Variants in CHD4 observed in about 807,000 individuals in gnomAD.
CHD4 encodes the protein chromodomain helicase DNA binding protein 4.
A neutral mutation model predicts 235.5 loss-of-function variants in CHD4; 35 were observed. That is an observed-to-expected ratio of 0.15 (90% CI 0.11 to 0.20). CHD4 has a LOEUF of 0.20. Among genes scored for constraint, CHD4 ranks in the 10% least tolerant of loss-of-function variants. The pLI, the probability that CHD4 is intolerant of heterozygous loss-of-function variation, is 1.00. For synonymous variants in CHD4, 900 were observed against 850.2 expected (o/e 1.06, Z -1.02); for missense variants, 1,329 against 2,432.3 (o/e 0.55, Z 9.54).
At chr12:6,576,913 T>C (rs777406763) in intron 37 of CHD4, among the ~76,000 whole-genome samples, 5 of 151,812 alleles carry the variant, frequency 3.3e-5, no homozygotes, top group Admixed American at 1.3e-4. Context: ...TCCCCGATTA[T>C]ACTCAGCGTA....
chr12:6,599,716 T>C, intron 10 of CHD4, 57 bp downstream of exon 10: 4 of 1,608,646 alleles, frequency 2.5e-6, no homozygotes, highest in Non-Finnish European at 3.4e-6. Context: ...CACAATAGCC[T>C]ACATAGAAAA....
At chr12:6,571,236 G>T in intron 38 of CHD4, 1 of 592,488 alleles carries the variant, frequency 1.7e-6, no homozygotes, top group South Asian at 2.2e-5. Context: ...GCTTTTTAAA[G>T]TCACCTAAAC....
chr12:6,603,457 G>A (rs1442608265), intron 2 of CHD4, among the ~76,000 whole-genome samples: 3 of 151,812 alleles, frequency 2.0e-5, no homozygotes, highest in Non-Finnish European at 4.4e-5. Context: ...CCACTGAGGA[G>A]AGGGAAAATG....
At chr12:6,581,955 A>G in intron 30 of CHD4, 141 bp from the exon 31 acceptor site, 2 of 1,165,110 alleles carry the variant, frequency 1.7e-6, no homozygotes, top group South Asian at 3.6e-5. Context: ...GGTGCCCGCC[A>G]CCACGTGCAG....
rs539390140 is a variant in CHD4 at position 6,595,550 on chromosome 12, G to T, written c.2025-120C>A. 36 of 748,528 alleles carry T rather than the reference G, an allele frequency of 4.8e-5. No individual in the cohort carries two copies. In the African/African-American group the frequency reaches 6.2e-4, roughly 13 times the overall value. 46.4% of individuals were successfully genotyped at this position (748,528 alleles called of 1,614,324 possible). ...ATTTTGGGAGGCCAGCACTTTGGGA[G>T]GCTGAGACGGGCGGATCACCTGAGG... On this transcript the variant is annotated intron_variant, in intron 13 of 39. Coordinates refer to ENST00000544040, the MANE Select transcript of CHD4 (RefSeq NM_001273.5).
chr12:6,606,457 CG>C lies in CHD4; in HGVS notation c.-78-7del. On this transcript the variant is annotated splice_polypyrimidine_tract_variant and splice_region_variant and intron_variant, in intron 1 of 39. Coordinates refer to ENST00000544040, the MANE Select transcript of CHD4 (RefSeq NM_001273.5). The stretch of plus-strand genomic sequence containing the variant: ...CTCTACACTGGCCCGAGTCACTGTG[CG>C]GGGGAGGGGGGAGAAACACAGAACA... 1.4e-6 allele frequency: 1 copy of C among 724,256 alleles called. No individual in the cohort carries two copies. Among genetic ancestry groups the C allele is most frequent in the Non-Finnish European group, 2.3e-6 (1 of 442,020 alleles). 44.9% of individuals were successfully genotyped at this position (724,256 alleles called of 1,614,324 possible). A position where few individuals can be genotyped will look rare whatever the true frequency, so the allele number is the denominator to read the frequency against.
intron 12 of CHD4, 142 bp downstream of exon 12, chr12:6,597,751 TG>T: frequency 1.4e-6 from 1 of 723,836 alleles, no homozygotes; most frequent in African/African-American, 1.7e-5. Flanking sequence ...GGGCACAGAG[TG>T]AGACTCTGTC....
At position 6,602,484 on chromosome 12, in the gene CHD4, G is replaced by C; in HGVS notation, c.114C>G (p.Asp38Glu). The C allele has an allele frequency of 6.2e-7, 1 of 1,612,166 alleles. No homozygotes were observed. Among genetic ancestry groups the C allele is most frequent in the Non-Finnish European group, 8.5e-7 (1 of 1,179,602 alleles). ...CTGTTTCTGACAAATCCTCTTCTGG[G>C]TCCTCTTCATTTTCTACATATATTT... ...LPPPHPENEEDPEEDLSETET... is the reference protein window; with the variant it reads ...LPPPHPENEEEPEEDLSETET... Residue 38 changes from aspartate to glutamate, a missense_variant, in exon 3 of 40, where the codon GAC (aspartate) becomes GAG (glutamate). Transcript: ENST00000544040.
intron 38 of CHD4, among the ~76,000 whole-genome samples, chr12:6,572,565 T>C (rs1049118482): frequency 7.2e-5 from 11 of 152,000 alleles, no homozygotes; most frequent in African/African-American, 2.7e-4. Context: ...AGCCCATCTC[T>C]TTTTTTTCTG....
intron 29 of CHD4, 144 bp from the exon 30 acceptor site, chr12:6,582,425 T>G: frequency 7.6e-7 from 1 of 1,315,400 alleles, no homozygotes; most frequent in Non-Finnish European, 1.0e-6. Context: ...AAGGCTGATC[T>G]CTAGACCCCA....
At chr12:6,573,802 T>C (rs1948020526) in intron 37 of CHD4, among the ~76,000 whole-genome samples, 1 of 152,102 alleles carries the variant, frequency 6.6e-6, no homozygotes, top group African/African-American at 2.4e-5. Flanking sequence ...GGCGGGCAGA[T>C]TACTTGAGGT....
At position 6,587,567 on chromosome 12, in the gene CHD4, A is replaced by T. The variant is rs1948321817; in HGVS notation, c.3704-8T>A. 6.2e-7 allele frequency: 1 copy of T among 1,613,494 alleles called. No individual in the cohort carries two copies. The highest frequency in any genetic ancestry group is 8.5e-7 in the Non-Finnish European group (1 of 1,179,650). On this transcript the variant is annotated splice_region_variant and splice_polypyrimidine_tract_variant and intron_variant, in intron 24 of 39. Transcript: ENST00000544040. The stretch of plus-strand genomic sequence containing the variant: ...CCTCTTTGTTGTCTCCTCCTATAAA[A>T]AATCAAGGGCCCACATCCCCAAAGT...
Position 6,570,093 on chromosome 12 carries a change from G to A in CHD4, c.*583C>T, listed in dbSNP as rs1947930777. On this transcript the variant is annotated 3_prime_UTR_variant, in exon 40 of 40. Transcript: ENST00000544040. Reference sequence around the variant, plus strand: ...CTGAACCAGAGCACTAAAATACAAGGAAACTTTTATTTTCAATTTTCATCA... The same window carrying A: ...CTGAACCAGAGCACTAAAATACAAGAAAACTTTTATTTTCAATTTTCATCA... The A allele has an allele frequency of 6.5e-6, 1 of 152,722 alleles. No homozygotes were observed. The highest frequency in any genetic ancestry group is 2.4e-5 in the African/African-American group (1 of 41,296). 9.5% of individuals were successfully genotyped at this position (152,722 alleles called of 1,614,324 possible).
intron 37 of CHD4, among the ~76,000 whole-genome samples, chr12:6,576,921 G>A (rs554044768): frequency 2.7e-5 from 4 of 150,828 alleles, no homozygotes; most frequent in Admixed American, 2.0e-4. Context: ...TATACTCAGC[G>A]TACGAGACAA....
chr12:6,588,435 C>G lies in CHD4; in HGVS notation c.3341-13G>C. ...TGAGCACCCGGTGCTAATAAAAGAA[C>G]CAAAAACACCATTAGAAGTGTCTCC... On this transcript the variant is annotated splice_polypyrimidine_tract_variant and intron_variant, in intron 22 of 39. Transcript: ENST00000544040. The G allele has an allele frequency of 1.2e-6, 2 of 1,610,930 alleles. No homozygotes were observed. The highest frequency in any genetic ancestry group is 1.7e-6 in the Non-Finnish European group (2 of 1,179,112).
chr12:6,578,508 G>A lies in CHD4; in HGVS notation c.5020C>T (p.Leu1674Phe), dbSNP rs1384914534. ...KEEEEKKEVM[L>F]QNGETPKDLN... ...TCCTTGGGGGTCTCTCCATTCTGAA[G>A]CATCACCTCTTTTTTCTCTTCTTCT... The change falls in exon 35 of 40, where the codon CTT (leucine) becomes TTT (phenylalanine). Residue 1674 changes from leucine to phenylalanine, a missense_variant. By Grantham distance (22) the Leu-to-Phe change is conservative. Transcript: ENST00000544040. 6.2e-7 allele frequency: 1 copy of A among 1,612,592 alleles called. No homozygotes were observed. The highest frequency in any genetic ancestry group is 8.5e-7 in the Non-Finnish European group (1 of 1,179,776).
chr12:6,591,660 G>A (rs1948403658), intron 21 of CHD4, 34 bp downstream of exon 21: 4 of 1,614,140 alleles, frequency 2.5e-6, no homozygotes, highest in East Asian at 2.2e-5. Flanking sequence ...GGTTGTCTAT[G>A]ACTGTTCCCT....
At chr12:6,591,370 A>G (rs763681137) in intron 22 of CHD4, 96 bp downstream of exon 22, 10 of 950,236 alleles carry the variant, frequency 1.1e-5, no homozygotes, top group Non-Finnish European at 1.4e-5. Flanking sequence ...CAAAGTCCCA[A>G]AAGAACTACA....
intron 25 of CHD4, 100 bp from the exon 26 acceptor site, chr12:6,583,478 C>A (rs1277795237): frequency 1.9e-6 from 2 of 1,052,930 alleles, no homozygotes; most frequent in Non-Finnish European, 2.8e-6. Flanking sequence ...CTTTTCATGA[C>A]TGGACTCTTA....
Sources: gnomAD v4.1 joint callset for allele counts (sites outside exome capture counted in the v4.1 genomes callset) on GRCh38, gnomAD v4.1.1 for gene constraint, MANE v1.5 for transcripts, NCBI Gene and HGNC (gene_info 2026-07-23, HGNC 2026-07-21) for gene names.